The following DCDC2C variants were observed in gnomAD, a reference collection of about 807,000 sequenced individuals.
DCDC2C encodes doublecortin domain-containing protein 2C.
Under a neutral mutation model 45.0 loss-of-function variants are expected in DCDC2C, and 44 were observed. The ratio of observed to expected loss-of-function variants is 0.98; its 90% CI spans 0.77 to 1.26. DCDC2C has a LOEUF of 1.26. Ranked by LOEUF, DCDC2C falls within the 50% of genes most tolerant of loss-of-function variation. The pLI, the probability that DCDC2C is intolerant of heterozygous loss-of-function variation, is 0.00. For synonymous variants in DCDC2C, 187 were observed against 178.8 expected (o/e 1.05, Z -0.37); for missense variants, 447 against 468.9 (o/e 0.95, Z 0.43).
intron 10 of DCDC2C, among the ~76,000 whole-genome samples, chr2:3,834,207 C>T (rs928825545): frequency 5.9e-5 from 9 of 152,078 alleles, no homozygotes; most frequent in African/African-American, 1.4e-4. Context: ...CATCATCACC[C>T]GAGTCCACAG....
chr2:3,727,624 G>C (rs1411528531), intron 3 of DCDC2C, among the ~76,000 whole-genome samples: 1 of 152,250 alleles, frequency 6.6e-6, no homozygotes, highest in Non-Finnish European at 1.5e-5. Context: ...GCAGTGCCAG[G>C]CACCGAGGTG....
intron 2 of DCDC2C, among the ~76,000 whole-genome samples, chr2:3,725,634 G>GCAGA (rs1668640461): frequency 6.9e-6 from 1 of 144,512 alleles, no homozygotes; most frequent in Admixed American, 6.8e-5. Context: ...AGAGTGACGA[G>GCAGA]GATGGCCAGG....
chr2:3,765,508 G>A (rs1219892827), intron 6 of DCDC2C, among the ~76,000 whole-genome samples: 3 of 152,148 alleles, frequency 2.0e-5, no homozygotes, highest in Admixed American at 1.3e-4. Context: ...AAGGCAGGTG[G>A]GTCTTAGATC....
chr2:3,790,512 G>A (rs1382941012), intron 10 of DCDC2C, among the ~76,000 whole-genome samples: 2 of 152,118 alleles, frequency 1.3e-5, no homozygotes, highest in Non-Finnish European at 2.9e-5. Flanking sequence ...AATTAACATT[G>A]CCAGAAATGC....
intron 10 of DCDC2C, among the ~76,000 whole-genome samples, chr2:3,836,189 G>A (rs951976733): frequency 6.6e-6 from 1 of 152,130 alleles, no homozygotes; most frequent in Non-Finnish European, 1.5e-5. Context: ...GTATGATGCA[G>A]GCACTTTATC....
At chr2:3,841,918 A>AT (rs1482423613) in intron 10 of DCDC2C, among the ~76,000 whole-genome samples, 3 of 151,628 alleles carry the variant, frequency 2.0e-5, no homozygotes, top group Non-Finnish European at 2.9e-5. Context: ...GTATGTGTCC[A>AT]TTTTTTCCAT....
At chr2:3,749,449 G>A (rs1033291051) in intron 4 of DCDC2C, among the ~76,000 whole-genome samples, 4 of 152,216 alleles carry the variant, frequency 2.6e-5, no homozygotes, top group African/African-American at 7.2e-5. Context: ...CTGTGTGAGT[G>A]TAATCTGAAC....
chr2:3,790,970 C>T (rs1237132973), intron 10 of DCDC2C, among the ~76,000 whole-genome samples: 1 of 151,978 alleles, frequency 6.6e-6, no homozygotes, highest in Non-Finnish European at 1.5e-5. Flanking sequence ...ATGAGCCAGG[C>T]GTGGTGGTGG....
intron 10 of DCDC2C, chr2:3,788,498 A>C (rs534027419): frequency 6.6e-6 from 1 of 152,336 alleles, no homozygotes; most frequent in African/African-American, 2.4e-5. Flanking sequence ...GTGTATAAGA[A>C]GATAATTGTG....
chr2:3,741,918 A>G lies in DCDC2C; in HGVS notation c.417-2A>G. ...TGGATGCTTTTCTTTTTATTCTTAC[A>G]GTGTTTTTACAAATGGAAGATTATT... On this transcript the variant is annotated splice_acceptor_variant, in intron 3 of 10. Transcript: ENST00000399143. LOFTEE classifies it high-confidence loss of function. 6.5e-7 allele frequency: 1 copy of G among 1,544,348 alleles called. No homozygotes were observed.
intron 10 of DCDC2C, among the ~76,000 whole-genome samples, chr2:3,803,794 T>G (rs1428244338): frequency 6.6e-6 from 1 of 152,200 alleles, no homozygotes; most frequent in African/African-American, 2.4e-5. Flanking sequence ...TTCCTTCAAG[T>G]GCACCACGTC....
chr2:3,725,443 CGAG>C (rs1668622083), intron 2 of DCDC2C, among the ~76,000 whole-genome samples: 2 of 97,048 alleles, frequency 2.1e-5, no homozygotes, highest in Admixed American at 1.2e-4. Flanking sequence ...CAGAGGAAGA[CGAG>C]CAGAGAGGGA....
intron 10 of DCDC2C, among the ~76,000 whole-genome samples, chr2:3,796,942 T>A (rs142807876): frequency 0.099 from 15,149 of 152,254 alleles, 1,026 homozygotes; most frequent in East Asian, 0.29. Flanking sequence ...TCAGAAGGAA[T>A]GGTACCAGTT....
intron 9 of DCDC2C, among the ~76,000 whole-genome samples, chr2:3,779,301 C>T (rs981410077): frequency 7.2e-5 from 11 of 152,166 alleles, no homozygotes; most frequent in African/African-American, 2.4e-4. Context: ...CTGGTCCCGC[C>T]GGGGAGCACG....
intron 10 of DCDC2C, among the ~76,000 whole-genome samples, chr2:3,793,821 T>C (rs1322269864): frequency 2.0e-5 from 3 of 151,966 alleles, no homozygotes; most frequent in Non-Finnish European, 4.4e-5. Context: ...TGCAGAAAGG[T>C]GGTGGGTGTG....
intron 1 of DCDC2C, 105 bp downstream of exon 1, chr2:3,704,143 C>T: frequency 9.5e-7 from 1 of 1,055,522 alleles, no homozygotes. Context: ...AGGCTTCCCT[C>T]CCGGCTCGGG....
Position 3,704,054 on chromosome 2 carries a change from C to T in DCDC2C, c.287+16C>T, listed in dbSNP as rs1667957189. On this transcript the variant is annotated intron_variant, in intron 1 of 10. Transcript: ENST00000399143. ...AGGAGCTCGAGTAAGTGCGCCCGCG[C>T]CCCCCACGCGCCCTGCGCCCCTCCC... 8.0e-7 allele frequency: 1 copy of T among 1,247,852 alleles called. No individual in the cohort carries two copies. The highest frequency in any genetic ancestry group is 1.0e-6 in the Non-Finnish European group (1 of 995,452). 77.3% of individuals were successfully genotyped at this position (1,247,852 alleles called of 1,614,324 possible).
At chr2:3,744,338 C>T (rs1669299406) in intron 4 of DCDC2C, among the ~76,000 whole-genome samples, 1 of 152,088 alleles carries the variant, frequency 6.6e-6, no homozygotes. Context: ...TCAGGCCCAG[C>T]GTCCGGCTGT....
At chr2:3,762,272 T>C (rs1018208522) in intron 6 of DCDC2C, among the ~76,000 whole-genome samples, 1 of 151,426 alleles carries the variant, frequency 6.6e-6, no homozygotes, top group African/African-American at 2.4e-5. Flanking sequence ...ACTTGCAGGC[T>C]GGAAGGAGAA....
Sources: gnomAD v4.1 joint callset for allele counts (sites outside exome capture counted in the v4.1 genomes callset) on GRCh38, gnomAD v4.1.1 for gene constraint, MANE v1.5 for transcripts, NCBI Gene and HGNC (gene_info 2026-07-23, HGNC 2026-07-21) for gene names.